The following ZNF723 variants were observed in gnomAD, a reference collection of about 807,000 sequenced individuals.
The protein encoded by ZNF723 is zinc finger protein 723, pseudogene.
In ZNF723, 5 loss-of-function variants were observed where a neutral mutation model predicts 9.4. The observed-to-expected ratio is 0.53, with a 90% confidence interval of 0.28 to 1.12. The LOEUF (loss-of-function observed/expected upper bound fraction) is 1.12, where lower values mean the gene tolerates loss of function less well. ZNF723 is among the 50% of genes most tolerant of loss of function. The pLI, the probability that ZNF723 is intolerant of heterozygous loss-of-function variation, is 0.10. For synonymous variants in ZNF723, 158 were observed against 168.8 expected, an observed-to-expected ratio of 0.94 and a Z score of 0.49; for missense variants, 450 against 501.5, an observed-to-expected ratio of 0.90 and a Z score of 0.98.
chr19:22,814,642 T>C, the ZNF723 span, among the ~76,000 whole-genome samples: 822 of 152,298 alleles, frequency 5.4e-3, 2 homozygotes, highest in Non-Finnish European at 8.5e-3. Context: ...ACAGCAGGTA[T>C]TGACTCTCAT....
Position 22,857,693 on chromosome 19 carries a change from A to G in ZNF723, c.802A>G (p.Met268Val), listed in dbSNP as rs12977845. 7.9e-6 allele frequency: 10 copies of G among 1,260,366 alleles called. No homozygotes were observed. The highest frequency in any genetic ancestry group is 3.0e-5 in the African/African-American group (2 of 66,960). The allele number at this position is 1,260,366 out of a possible 1,614,324, so 78.1% of individuals were successfully genotyped here. The change falls in exon 4 of 4, where the codon ATG becomes GTG. Residue 268 changes from methionine (M) to valine (V), a missense_variant. Around this residue, in one of 5 missense-constraint regions of ZNF723, gnomAD observed 237 missense variants for 332.2 expected, o/e 0.71. Coordinates refer to ENST00000600766, the MANE Select transcript of ZNF723 (RefSeq NM_001349726.2). ...KCEECGKTFNMFSSLNNHKRI... is the reference protein window; with the variant it reads ...KCEECGKTFNVFSSLNNHKRI... ...TGAAGAATGTGGCAAAACCTTTAAT[A>G]TGTTCTCAAGCCTTAATAATCATAA...
chr19:22,839,470 T>G (rs1190196515), intron 1 of ZNF723, among the ~76,000 whole-genome samples: 2 of 148,156 alleles, frequency 1.3e-5, no homozygotes, highest in East Asian at 2.0e-4. Context: ...TTTTTGGTTT[T>G]TTTTTTTTTT....
chr19:22,834,691 A>T (rs1364094482), intron 1 of ZNF723, among the ~76,000 whole-genome samples: 3 of 152,146 alleles, frequency 2.0e-5, no homozygotes, highest in African/African-American at 7.2e-5. Context: ...TGAAAAGCTG[A>T]CATTTAGACA....
At chr19:22,819,830 G>A in the ZNF723 span, among the ~76,000 whole-genome samples, 1 of 152,166 alleles carries the variant, frequency 6.6e-6, no homozygotes, top group Non-Finnish European at 1.5e-5. Flanking sequence ...TATCACTAGG[G>A]TCAGCACCTA....
At chr19:22,817,021 G>T in the ZNF723 span, among the ~76,000 whole-genome samples, 1 of 152,254 alleles carries the variant, frequency 6.6e-6, no homozygotes, top group African/African-American at 2.4e-5. Context: ...GAGGAATTGT[G>T]AAGTGTCTCT....
At chr19:22,819,835 C>CA in the ZNF723 span, among the ~76,000 whole-genome samples, 1 of 152,158 alleles carries the variant, frequency 6.6e-6, no homozygotes, top group Non-Finnish European at 1.5e-5. Context: ...CTAGGGTCAG[C>CA]ACCTAAGTGA....
chr19:22,830,339 A>G (rs1009617454), upstream of ZNF723, among the ~76,000 whole-genome samples: 1 of 152,106 alleles, frequency 6.6e-6, no homozygotes, highest in African/African-American at 2.4e-5. Flanking sequence ...AATTTTTAAA[A>G]ATTGTTTTCA....
chr19:22,822,304 T>G, the ZNF723 span, among the ~76,000 whole-genome samples: 1 of 152,182 alleles, frequency 6.6e-6, no homozygotes, highest in Non-Finnish European at 1.5e-5. Flanking sequence ...ACAGTTAAAA[T>G]TCTGACTGTC....
At chr19:22,855,923 G>A (rs955210444) in intron 3 of ZNF723, among the ~76,000 whole-genome samples, 6 of 151,802 alleles carry the variant, frequency 4.0e-5, no homozygotes, top group Admixed American at 6.6e-5. Flanking sequence ...GAGCTTCTTC[G>A]TTTTTATTTT....
Position 22,832,309 on chromosome 19 carries a change from C to T in ZNF723, c.-71C>T. The T allele has an allele frequency of 7.6e-7, 1 of 1,315,250 alleles. No homozygotes were observed. The highest frequency in any genetic ancestry group is 2.0e-4 in the Middle Eastern group (1 of 5,074). The allele number at this position is 1,315,250 out of a possible 1,614,324, so 81.5% of individuals were successfully genotyped here. On this transcript the variant is annotated 5_prime_UTR_variant, in exon 1 of 4. Transcript: ENST00000600766. ...GCGCGGCCTTTTGAGTTCCTGGTCT[C>T]TGTGGCCTCCTGACCTACATGCATT...
chr19:22,830,802 G>T (rs149950437), upstream of ZNF723, among the ~76,000 whole-genome samples: 1 of 151,764 alleles, frequency 6.6e-6, no homozygotes, highest in East Asian at 1.9e-4. Flanking sequence ...TCATTCTGTC[G>T]CCTAGGCTGG....
the ZNF723 span, among the ~76,000 whole-genome samples, chr19:22,818,349 A>G: frequency 6.6e-6 from 1 of 152,182 alleles, no homozygotes; most frequent in Non-Finnish European, 1.5e-5. Context: ...CCCTCAGTTG[A>G]GGTTCTAAAC....
the ZNF723 span, among the ~76,000 whole-genome samples, chr19:22,816,309 A>G: frequency 6.6e-6 from 1 of 152,198 alleles, no homozygotes; most frequent in South Asian, 2.1e-4. Context: ...ACCCAAAGTA[A>G]GTTGAAATTG....
At chr19:22,848,773 A>G (rs1967350030) in intron 2 of ZNF723, among the ~76,000 whole-genome samples, 1 of 134,456 alleles carries the variant, frequency 7.4e-6, no homozygotes. Flanking sequence ...TTATTTATTT[A>G]TGAGATGGAA....
At chr19:22,847,070 T>C (rs1225313825) in intron 1 of ZNF723, among the ~76,000 whole-genome samples, 2 of 151,182 alleles carry the variant, frequency 1.3e-5, no homozygotes, top group African/African-American at 2.4e-5. Context: ...TTTTTCTTTG[T>C]TATTTTATTT....
intron 1 of ZNF723, among the ~76,000 whole-genome samples, chr19:22,843,372 T>A (rs752913140): frequency 2.0e-5 from 3 of 152,138 alleles, no homozygotes; most frequent in African/African-American, 2.4e-5. Flanking sequence ...GTGTAAAAAA[T>A]TGAGTCTTCT....
chr19:22,832,186 TG>T, upstream of ZNF723: 1 of 525,988 alleles, frequency 1.9e-6, no homozygotes, highest in South Asian at 2.3e-5. Context: ...CAGGCCTGAA[TG>T]GGCGGGGCCT....
Position 22,848,376 on chromosome 19 carries a change from TG to T in ZNF723, c.121del (p.Val41SerfsTer12). 6.8e-7 allele frequency: 1 copy of T among 1,460,416 alleles called. No individual in the cohort carries two copies. The highest frequency in any genetic ancestry group is 9.5e-7 in the Non-Finnish European group (1 of 1,047,218). 90.5% of individuals were successfully genotyped at this position (1,460,416 alleles called of 1,614,324 possible). On this transcript the variant is annotated frameshift_variant, in exon 2 of 4. Coordinates refer to ENST00000600766, the MANE Select transcript of ZNF723 (RefSeq NM_001349726.2). LOFTEE classifies it high-confidence loss of function. ...RDVMLENYRN[L>X]VFLGVGVSKP... The stretch of plus-strand genomic sequence containing the variant: ...GTGATGTTAGAGAACTACAGAAACC[TG>T]GTCTTCCTGGGTGAGAATAACTTCA...
chr19:22,816,564 A>C, the ZNF723 span, among the ~76,000 whole-genome samples: 3 of 152,204 alleles, frequency 2.0e-5, no homozygotes, highest in Non-Finnish European at 4.4e-5. Flanking sequence ...TCTTCTCTGG[A>C]CCTTCCTGCA....
Sources: gnomAD v4.1 joint callset for allele counts (sites outside exome capture counted in the v4.1 genomes callset) on GRCh38, gnomAD v4.1.1 for gene constraint, gnomAD v4.1.1 regional missense constraint, MANE v1.5 for transcripts, NCBI Gene and HGNC (gene_info 2026-07-23, HGNC 2026-07-21) for gene names.